The following PCDHGA2 variants were observed in gnomAD, a reference collection of about 807,000 sequenced individuals.
The protein encoded by PCDHGA2 is protocadherin gamma subfamily A, 2.
In PCDHGA2, 40 loss-of-function variants were observed where a neutral mutation model predicts 59.2. That is an observed-to-expected ratio of 0.68 (90% CI 0.52 to 0.88). The LOEUF is 0.88. PCDHGA2 is among the 40% of genes least tolerant of loss of function. The pLI is 0.00. For synonymous variants in PCDHGA2, 560 were observed against 526.0 expected (o/e 1.06, Z -0.89); for missense variants, 1,226 against 1,204.0 (o/e 1.02, Z -0.27).
chr5:141,360,322 G>T (rs762271493), intron 1 of PCDHGA2: 41 of 1,613,854 alleles, frequency 2.5e-5, no homozygotes, highest in Non-Finnish European at 3.1e-5. Flanking sequence ...GGACTTGCCA[G>T]CCCGGAAGCT....
intron 1 of PCDHGA2, among the ~76,000 whole-genome samples, chr5:141,469,207 G>T (rs2099193654): frequency 6.6e-6 from 1 of 151,820 alleles, no homozygotes; most frequent in African/African-American, 2.4e-5. Flanking sequence ...GCCTTTTGAA[G>T]TTGAGGCTTC....
At position 141,355,028 on chromosome 5, in the gene PCDHGA2, C is replaced by T. The variant is rs1759694339; in HGVS notation, c.2424+13633C>T. Reference sequence around the variant, plus strand: ...CAAACCAGAAATTTAATCAGAATCACAAGATTTCTGCAGCACAAAGCACTG... The same window carrying T: ...CAAACCAGAAATTTAATCAGAATCATAAGATTTCTGCAGCACAAAGCACTG... On this transcript the variant is annotated intron_variant, in intron 1 of 3. Transcript: ENST00000394576. The T allele has an allele frequency of 1.3e-5, 13 of 968,218 alleles. No individual in the cohort carries two copies. The South Asian group carries it at 3.2e-4, about 24-fold the overall frequency. The allele number at this position is 968,218 out of a possible 1,614,324, so 60.0% of individuals were successfully genotyped here.
chr5:141,478,624 T>C (rs1300260980), intron 1 of PCDHGA2: 3 of 1,554,196 alleles, frequency 1.9e-6, no homozygotes, highest in Non-Finnish European at 2.6e-6. Context: ...AATGGAGCTG[T>C]TTTTTTAGTG....
Position 141,345,270 on chromosome 5 carries a change from G to A in PCDHGA2, c.2424+3875G>A, listed in dbSNP as rs760387404. The A allele has an allele frequency of 5.6e-6, 9 of 1,613,776 alleles. No individual in the cohort carries two copies. The African/African-American group carries it at 8.0e-5, about 14-fold the overall frequency. Reference sequence around the variant, plus strand: ...AGTGACGGCCACATCCCTGGACCGCGAACAAATATCAGAATATAACATTAG... The same window carrying A: ...AGTGACGGCCACATCCCTGGACCGCAAACAAATATCAGAATATAACATTAG... On this transcript the variant is annotated intron_variant, in intron 1 of 3. Transcript: ENST00000394576.
At chr5:141,360,030 A>T in intron 1 of PCDHGA2, 6 of 1,381,784 alleles carry the variant, frequency 4.3e-6, no homozygotes, top group Non-Finnish European at 5.8e-6. Flanking sequence ...GCCAGTATAG[A>T]TTCGGAAACA....
At chr5:141,412,163 T>G (rs1005929326) in intron 1 of PCDHGA2, 13 of 152,240 alleles carry the variant, frequency 8.5e-5, no homozygotes, top group African/African-American at 2.9e-4. Flanking sequence ...GAGAAGAGAT[T>G]ATTTATACTG....
chr5:141,442,774 AT>A (rs2098342677), intron 1 of PCDHGA2, among the ~76,000 whole-genome samples: 1 of 152,188 alleles, frequency 6.6e-6, no homozygotes, highest in Non-Finnish European at 1.5e-5. Flanking sequence ...TATGTGTTTG[AT>A]TATATTTTAT....
intron 1 of PCDHGA2, among the ~76,000 whole-genome samples, chr5:141,397,708 T>A (rs1409305799): frequency 6.6e-6 from 1 of 152,250 alleles, no homozygotes; most frequent in East Asian, 1.9e-4. Context: ...ACGTGATATT[T>A]CTAACAATTT....
chr5:141,398,684 A>G (rs752285568), intron 1 of PCDHGA2: 1 of 1,613,958 alleles, frequency 6.2e-7, no homozygotes, highest in Admixed American at 1.7e-5. Context: ...AAGGAGAAAC[A>G]GGATGGTAGT....
chr5:141,375,179 A>G (rs2150054707), intron 1 of PCDHGA2: 4 of 1,613,972 alleles, frequency 2.5e-6, no homozygotes, highest in Middle Eastern at 1.6e-4. Context: ...AGGAACAGTA[A>G]TCGCCCTTTT....
In PCDHGA2 at chr5:141,431,135, A is replaced by T. The variant is rs140069213; in HGVS notation, c.2425-63672A>T. On this transcript the variant is annotated intron_variant, in intron 1 of 3. Transcript: ENST00000394576. This position sits in a 1 kb window ranked among gnomAD's most constrained non-coding sequence, Gnocchi z 4.8. ...TGGAGTAGAAGTAGAAGTAAGGGAC[A>T]TTAACGACAATGCGCCTTACTTTCG... 1 of 1,614,266 alleles carries T rather than the reference A, an allele frequency of 6.2e-7. No homozygotes were observed. Among genetic ancestry groups the T allele is most frequent in the African/African-American group, 1.3e-5 (1 of 75,078 alleles).
At chr5:141,389,133 A>G (rs1239484034) in intron 1 of PCDHGA2, 18 of 1,613,928 alleles carry the variant, frequency 1.1e-5, no homozygotes, top group Admixed American at 5.0e-5. Flanking sequence ...TCCAGAGTAC[A>G]ATATAACCGT....
intron 1 of PCDHGA2, chr5:141,419,680 C>T (rs757026598): frequency 9.3e-6 from 15 of 1,612,946 alleles, no homozygotes; most frequent in Non-Finnish European, 1.3e-5. Flanking sequence ...TGTCCTACCA[C>T]GTGGTGCAGG....
At chr5:141,349,152 C>T (rs1432074421) in intron 1 of PCDHGA2, among the ~76,000 whole-genome samples, 1 of 152,170 alleles carries the variant, frequency 6.6e-6, no homozygotes, top group African/African-American at 2.4e-5. Context: ...CTCACTGCAA[C>T]CTCTGCCTCC....
chr5:141,423,603 C>G, intron 1 of PCDHGA2: 1 of 1,612,584 alleles, frequency 6.2e-7, no homozygotes. Flanking sequence ...GCGAGCCACT[C>G]TTGATAGCTG....
intron 1 of PCDHGA2, chr5:141,383,413 C>T (rs1160072155): frequency 6.2e-7 from 1 of 1,614,020 alleles, no homozygotes. Context: ...GAGTTACCAG[C>T]TCAGCCCCAA....
chr5:141,455,476 G>C (rs2098823789), intron 1 of PCDHGA2, among the ~76,000 whole-genome samples: 1 of 152,218 alleles, frequency 6.6e-6, no homozygotes. Flanking sequence ...ATATGCAGAG[G>C]CTGGTGGAGG....
intron 1 of PCDHGA2, chr5:141,410,263 A>G (rs532833925): frequency 1.4e-5 from 22 of 1,613,876 alleles, no homozygotes; most frequent in African/African-American, 2.7e-5. Flanking sequence ...CCCAGGCTGA[A>G]CTGCAGTTTT....
Position 141,433,362 on chromosome 5 carries a change from T to G in PCDHGA2, c.2425-61445T>G, listed in dbSNP as rs1285511534. ...GTGCAAGCCACCTACTGTCTGCCTA[T>G]CTATCTATCTATCTATCTATCTATC... On this transcript the variant is annotated intron_variant, in intron 1 of 3. Transcript: ENST00000394576. 4 of 299,814 alleles carry G rather than the reference T, an allele frequency of 1.3e-5. No individual in the cohort carries two copies. In the East Asian group the frequency reaches 1.8e-4, roughly 14 times the overall value. 18.6% of individuals were successfully genotyped at this position (299,814 alleles called of 1,614,324 possible). A position where few individuals can be genotyped will look rare whatever the true frequency, so the allele number is the denominator to read the frequency against.
Sources: allele counts gnomAD v4.1 joint callset (sites outside exome capture counted in the v4.1 genomes callset), GRCh38; gene constraint gnomAD v4.1.1; non-coding constraint Gnocchi (gnomAD v3.1); transcripts MANE v1.5; gene names NCBI Gene and HGNC (gene_info 2026-07-23, HGNC 2026-07-21).